Variants in LMX1A observed in about 807,000 individuals in gnomAD.
LMX1A encodes LIM homeobox transcription factor 1 alpha, also known as LIM homeobox transcription factor 1-alpha.
LMX1A carries 15 observed loss-of-function variants against 49.1 expected under a neutral mutation model. The ratio of observed to expected loss-of-function variants is 0.31; its 90% CI spans 0.20 to 0.47. The LOEUF is 0.47. Ranked by LOEUF, LMX1A falls within the 20% of genes least tolerant of loss-of-function variation. LMX1A has a pLI of 1.00. For synonymous variants in LMX1A, 167 were observed against 185.7 expected, an observed-to-expected ratio of 0.90 and a Z score of 0.82; for missense variants, 372 against 475.8, an observed-to-expected ratio of 0.78 and a Z score of 2.03.
At chr1:165,208,939 G>A (rs1237136726) in intron 6 of LMX1A, among the ~76,000 whole-genome samples, 2 of 152,172 alleles carry the variant, frequency 1.3e-5, no homozygotes, top group Admixed American at 6.5e-5. Flanking sequence ...GAGCCACCAC[G>A]CCCGGCCCCC....
intron 3 of LMX1A, among the ~76,000 whole-genome samples, chr1:165,283,597 T>A (rs1333855185): frequency 6.6e-6 from 1 of 152,198 alleles, no homozygotes; most frequent in Non-Finnish European, 1.5e-5. Flanking sequence ...CCACACATCT[T>A]AATGTAGCCA....
At chr1:165,331,380 T>C in intron 3 of LMX1A, among the ~76,000 whole-genome samples, 1 of 152,248 alleles carries the variant, frequency 6.6e-6, no homozygotes, top group South Asian at 2.1e-4. Flanking sequence ...GTTCAATCAG[T>C]GTCATTAGTC....
At chr1:165,350,407 G>C (rs1006897329) in intron 3 of LMX1A, among the ~76,000 whole-genome samples, 1 of 152,180 alleles carries the variant, frequency 6.6e-6, no homozygotes, top group South Asian at 2.1e-4. Context: ...GATGCAAAAA[G>C]TGTTGAGCTA....
intron 4 of LMX1A, among the ~76,000 whole-genome samples, chr1:165,214,794 A>G (rs181081176): frequency 6.6e-6 from 1 of 152,258 alleles, no homozygotes; most frequent in Admixed American, 6.5e-5. Flanking sequence ...TCTGTAAAGT[A>G]AATAACTCTC....
chr1:165,306,222 T>G (rs182740690), intron 3 of LMX1A, among the ~76,000 whole-genome samples: 25 of 152,358 alleles, frequency 1.6e-4, no homozygotes, highest in Admixed American at 1.3e-3. Flanking sequence ...TGTAACCTTG[T>G]GTGATATTTT....
chr1:165,243,254 C>T (rs953159244), intron 4 of LMX1A, among the ~76,000 whole-genome samples: 4 of 152,098 alleles, frequency 2.6e-5, no homozygotes, highest in South Asian at 2.1e-4. Flanking sequence ...CACTCTCAGA[C>T]GACTTCTGAT....
At chr1:165,304,956 C>T (rs1654881876) in intron 3 of LMX1A, among the ~76,000 whole-genome samples, 1 of 152,226 alleles carries the variant, frequency 6.6e-6, no homozygotes, top group Non-Finnish European at 1.5e-5. Flanking sequence ...GTGCATCTAC[C>T]TCATGCTCCA....
chr1:165,347,968 C>T (rs1196371142), intron 3 of LMX1A, among the ~76,000 whole-genome samples: 3 of 127,174 alleles, frequency 2.4e-5, no homozygotes, highest in Admixed American at 8.6e-5. Context: ...CTCCAAAAAC[C>T]TTCCCAGAAT....
intron 3 of LMX1A, among the ~76,000 whole-genome samples, chr1:165,320,648 T>A (rs568256183): frequency 6.6e-6 from 1 of 152,174 alleles, no homozygotes; most frequent in Non-Finnish European, 1.5e-5. Context: ...ATCCCTAAGA[T>A]CAAATGTGTA....
intron 3 of LMX1A, among the ~76,000 whole-genome samples, chr1:165,333,579 A>C (rs2101754685): frequency 6.6e-6 from 1 of 152,346 alleles, no homozygotes; most frequent in Middle Eastern, 3.4e-3. Context: ...TGAATTTAAA[A>C]TTTTTAAAAA....
Position 165,355,666 on chromosome 1 carries a change from T to C in LMX1A, c.-22-85A>G. 9.9e-7 allele frequency: 1 copy of C among 1,011,946 alleles called. No homozygotes were observed. The highest frequency in any genetic ancestry group is 1.5e-6 in the Non-Finnish European group (1 of 662,346). The allele number at this position is 1,011,946 out of a possible 1,614,324, so 62.7% of individuals were successfully genotyped here. Reference sequence around the variant, plus strand: ...AGCCACCGCACTCCTGGGAAAGAACTGAGGGAGTGTCCAGGGCGACCAGAA... The same window carrying C: ...AGCCACCGCACTCCTGGGAAAGAACCGAGGGAGTGTCCAGGGCGACCAGAA... On this transcript the variant is annotated intron_variant, in intron 1 of 8. Transcript: ENST00000342310. This position sits in a 1 kb window ranked among gnomAD's most constrained non-coding sequence, Gnocchi z 4.7.
intron 3 of LMX1A, among the ~76,000 whole-genome samples, chr1:165,346,058 G>A (rs1656235749): frequency 6.6e-6 from 1 of 152,202 alleles, no homozygotes; most frequent in East Asian, 1.9e-4. Context: ...GTGAAGTCCA[G>A]ATACAGCATG....
chr1:165,303,128 A>G (rs1654824820), intron 3 of LMX1A, among the ~76,000 whole-genome samples: 1 of 152,238 alleles, frequency 6.6e-6, no homozygotes, highest in African/African-American at 2.4e-5. Context: ...TTTGAGGAGA[A>G]AGATAATGTA....
chr1:165,294,256 AGCTG>A (rs1654555113), intron 3 of LMX1A, among the ~76,000 whole-genome samples: 1 of 139,112 alleles, frequency 7.2e-6, no homozygotes, highest in African/African-American at 3.5e-5. Context: ...AGGCTCTTTC[AGCTG>A]AACCACTCAC....
intron 3 of LMX1A, among the ~76,000 whole-genome samples, chr1:165,331,814 G>C (rs1044927428): frequency 3.9e-5 from 6 of 152,166 alleles, no homozygotes; most frequent in Non-Finnish European, 8.8e-5. Context: ...ATACACAGGA[G>C]GCTGAGGCAC....
intron 4 of LMX1A, among the ~76,000 whole-genome samples, chr1:165,228,731 A>G (rs1179013015): frequency 1.3e-5 from 2 of 152,188 alleles, no homozygotes; most frequent in African/African-American, 4.8e-5. Flanking sequence ...TCACCCCAGG[A>G]TTTAGGCTTT....
Position 165,281,419 on chromosome 1 carries a change from G to T in LMX1A, c.264-31779C>A, listed in dbSNP as rs530199851. On this transcript the variant is annotated intron_variant, in intron 3 of 8. Coordinates refer to ENST00000342310, the MANE Select transcript of LMX1A (RefSeq NM_177398.4). ...GGACCTGTGACCTAAATGTTCTTCA[G>T]TTCAGGTCTGGTAGATTTAAGTGGT... 3.9e-5 allele frequency among the ~76,000 whole-genome samples: 6 copies of T among 152,326 alleles called. No homozygotes were observed. The East Asian group carries it at 9.6e-4, about 24-fold the overall frequency.
chr1:165,272,536 G>A (rs1287659569), intron 3 of LMX1A, among the ~76,000 whole-genome samples: 1 of 152,014 alleles, frequency 6.6e-6, no homozygotes, highest in Non-Finnish European at 1.5e-5. Flanking sequence ...CCAGGCCAGA[G>A]AGTGTGCACC....
At chr1:165,295,324 G>A (rs568125276) in intron 3 of LMX1A, among the ~76,000 whole-genome samples, 74 of 151,690 alleles carry the variant, frequency 4.9e-4, no homozygotes, top group African/African-American at 1.6e-3. Context: ...TTTATAGATA[G>A]TAAGATGATG....
Sources: gnomAD v4.1 joint callset for allele counts (sites outside exome capture counted in the v4.1 genomes callset) on GRCh38, gnomAD v4.1.1 for gene constraint, Gnocchi (gnomAD v3.1) non-coding constraint, MANE v1.5 for transcripts, NCBI Gene and HGNC (gene_info 2026-07-23, HGNC 2026-07-21) for gene names.